The following LEKR1 variants were observed in gnomAD, a reference collection of about 807,000 sequenced individuals.
The protein encoded by LEKR1 is protein LEKR1.
A neutral mutation model predicts 72.4 loss-of-function variants in LEKR1; 59 were observed. The observed-to-expected ratio is 0.82, with a 90% CI of 0.66 to 1.01. LEKR1 has a LOEUF of 1.01. LEKR1 is among the 50% of genes least tolerant of loss of function. The pLI is 0.00. For missense variants in LEKR1, 728 were observed against 759.2 expected (o/e 0.96, Z 0.48); for synonymous variants, 257 against 263.2 (o/e 0.98, Z 0.23).
At chr3:156,902,919 T>C (rs1372667903) in intron 3 of LEKR1, among the ~76,000 whole-genome samples, 1 of 152,060 alleles carries the variant, frequency 6.6e-6, no homozygotes, top group Non-Finnish European at 1.5e-5. Context: ...ATGTAAGCAT[T>C]TTTCTGTTAT....
chr3:156,988,520 C>T, intron 7 of LEKR1: 1 of 186,148 alleles, frequency 5.4e-6, no homozygotes. Flanking sequence ...GCTTTAGGAC[C>T]CCTGGAAAGT....
At chr3:157,014,151 A>G (rs1733119995) in intron 10 of LEKR1, among the ~76,000 whole-genome samples, 1 of 152,110 alleles carries the variant, frequency 6.6e-6, no homozygotes, top group Non-Finnish European at 1.5e-5. Context: ...AAAAAATCCT[A>G]TAGCCACACT....
chr3:157,010,022 C>T (rs1351735891), intron 9 of LEKR1, among the ~76,000 whole-genome samples: 3 of 151,946 alleles, frequency 2.0e-5, no homozygotes, highest in African/African-American at 7.2e-5. Context: ...CATAATATTT[C>T]TGTATTATCA....
chr3:156,880,867 A>G (rs998640803), intron 3 of LEKR1, among the ~76,000 whole-genome samples: 40 of 152,220 alleles, frequency 2.6e-4, no homozygotes, highest in Non-Finnish European at 3.4e-4. Context: ...AATAAATGTA[A>G]TCCAGCATAT....
intron 5 of LEKR1, 87 bp downstream of exon 5, chr3:156,927,691 TG>T (rs1724845906): frequency 6.1e-6 from 3 of 494,210 alleles, no homozygotes; most frequent in Non-Finnish European, 9.3e-6. Flanking sequence ...TCATTTTATT[TG>T]ATGGGAATTA....
chr3:156,984,404 C>G (rs1463124145), intron 7 of LEKR1, among the ~76,000 whole-genome samples: 1 of 152,164 alleles, frequency 6.6e-6, no homozygotes, highest in Non-Finnish European at 1.5e-5. Flanking sequence ...TGGCCGGGCG[C>G]AGTGCCTCAT....
At chr3:156,977,796 T>G (rs1016870281) in intron 6 of LEKR1, 2 of 223,872 alleles carry the variant, frequency 8.9e-6, no homozygotes, top group Non-Finnish European at 1.9e-5. Flanking sequence ...CATCTTGCCT[T>G]CTACAGGAAA....
rs1223398325 is a variant in LEKR1 at position 156,912,531 on chromosome 3, G to A, written c.264-8044G>A. The stretch of plus-strand genomic sequence containing the variant: ...ATGCTCAGAACTCAAAACTGTCCCA[G>A]GCCCTGCCTATCTGCTGTCAAAGTC... On this transcript the variant is annotated intron_variant, in intron 3 of 12. Coordinates refer to ENST00000356539, the MANE Select transcript of LEKR1 (RefSeq NM_001004316.3). 2.6e-5 allele frequency among the ~76,000 whole-genome samples: 4 copies of A among 152,254 alleles called. No homozygotes were observed. The East Asian group carries it at 7.7e-4, about 29-fold the overall frequency.
At chr3:156,995,061 A>AGGTCC (rs1168948833) in intron 9 of LEKR1, among the ~76,000 whole-genome samples, 2 of 152,244 alleles carry the variant, frequency 1.3e-5, no homozygotes, top group Non-Finnish European at 2.9e-5. Context: ...CAGTGAAAAT[A>AGGTCC]AGTCCAGTGA....
chr3:156,920,996 G>A (rs532481948), intron 4 of LEKR1: 21 of 182,138 alleles, frequency 1.2e-4, no homozygotes, highest in African/African-American at 5.0e-4. Flanking sequence ...ATTTCTTGGT[G>A]TATTTGATCC....
At chr3:157,015,412 C>T (rs1733229912) in intron 10 of LEKR1, among the ~76,000 whole-genome samples, 1 of 152,192 alleles carries the variant, frequency 6.6e-6, no homozygotes, top group African/African-American at 2.4e-5. Flanking sequence ...GCATTTCCAT[C>T]AGCCAGACTG....
At chr3:156,983,023 A>G (rs1433029050) in intron 7 of LEKR1, among the ~76,000 whole-genome samples, 1 of 152,028 alleles carries the variant, frequency 6.6e-6, no homozygotes, top group Admixed American at 6.5e-5. Context: ...CCATTTTTTA[A>G]TTTTTAAGAA....
chr3:156,927,354 C>G, intron 4 of LEKR1, 75 bp from the exon 5 acceptor site: 1 of 588,822 alleles, frequency 1.7e-6, no homozygotes, highest in Non-Finnish European at 2.4e-6. Flanking sequence ...TATGGTCACT[C>G]TAAAACTATT....
intron 10 of LEKR1, among the ~76,000 whole-genome samples, chr3:157,023,916 G>A (rs1734019019): frequency 6.6e-6 from 1 of 152,164 alleles, no homozygotes. Flanking sequence ...ATAAATTGAA[G>A]GTATTGTAAG....
chr3:157,023,186 G>A (rs182848745), intron 10 of LEKR1, among the ~76,000 whole-genome samples: 1 of 152,068 alleles, frequency 6.6e-6, no homozygotes, highest in Non-Finnish European at 1.5e-5. Flanking sequence ...AATTTACCTG[G>A]CTTTACCCTC....
At chr3:156,985,312 T>A (rs1730580037) in intron 7 of LEKR1, among the ~76,000 whole-genome samples, 1 of 152,172 alleles carries the variant, frequency 6.6e-6, no homozygotes, top group South Asian at 2.1e-4. Flanking sequence ...CCTGAGTAGA[T>A]GATCTTTAAG....
At chr3:157,029,906 G>A (rs555445900) in intron 12 of LEKR1, among the ~76,000 whole-genome samples, 1 of 152,214 alleles carries the variant, frequency 6.6e-6, no homozygotes, top group African/African-American at 2.4e-5. Context: ...TTATAAACTA[G>A]GACAAACAGA....
chr3:156,857,256 G>T (rs908099139), intron 3 of LEKR1, among the ~76,000 whole-genome samples: 1 of 151,958 alleles, frequency 6.6e-6, no homozygotes, highest in Non-Finnish European at 1.5e-5. Context: ...TTACATTTTT[G>T]ATAGAAAGCC....
intron 7 of LEKR1, among the ~76,000 whole-genome samples, chr3:156,982,879 A>G (rs556627864): frequency 6.6e-6 from 1 of 150,916 alleles, no homozygotes; most frequent in African/African-American, 2.4e-5. Context: ...AGATAGATAG[A>G]TAGATAGATA....
Sources: allele counts gnomAD v4.1 joint callset (sites outside exome capture counted in the v4.1 genomes callset), GRCh38; gene constraint gnomAD v4.1.1; transcripts MANE v1.5; gene names NCBI Gene and HGNC (gene_info 2026-07-23, HGNC 2026-07-21).